The following UNC5D variants were observed in gnomAD, a reference collection of about 807,000 sequenced individuals.
The protein encoded by UNC5D is unc-5 netrin receptor D.
In UNC5D, 39 loss-of-function variants were observed where a neutral mutation model predicts 105.4. That is an observed-to-expected ratio of 0.37 (90% CI 0.29 to 0.48). UNC5D has a LOEUF of 0.48. Among genes scored for constraint, UNC5D ranks in the 20% least tolerant of loss-of-function variants. The pLI is 0.98. For missense variants in UNC5D, 991 were observed against 1,202.4 expected, an observed-to-expected ratio of 0.82 and a Z score of 2.60; for synonymous variants, 452 against 450.4, an observed-to-expected ratio of 1.00 and a Z score of -0.04.
At chr8:35,742,312 C>T (rs1235011264) in intron 11 of UNC5D, among the ~76,000 whole-genome samples, 2 of 151,364 alleles carry the variant, frequency 1.3e-5, no homozygotes, top group Non-Finnish European at 2.9e-5. Context: ...TTTTTATCCA[C>T]AGCAATTTTA....
intron 1 of UNC5D, among the ~76,000 whole-genome samples, chr8:35,523,219 A>G (rs1238532720): frequency 1.6e-4 from 25 of 152,010 alleles, no homozygotes; most frequent in Admixed American, 1.6e-3. Context: ...GGTGGCTAGA[A>G]CTACAGGCAC....
At chr8:35,646,796 G>A (rs548224250) in intron 4 of UNC5D, among the ~76,000 whole-genome samples, 3 of 152,004 alleles carry the variant, frequency 2.0e-5, no homozygotes, top group Non-Finnish European at 2.9e-5. Context: ...AAAAAGAGCA[G>A]TATTAATTTT....
intron 1 of UNC5D, among the ~76,000 whole-genome samples, chr8:35,356,903 G>T (rs1801587595): frequency 6.6e-6 from 1 of 152,050 alleles, no homozygotes; most frequent in African/African-American, 2.4e-5. Flanking sequence ...GTCCTGGGTG[G>T]GACAGACTGG....
At chr8:35,491,011 T>C (rs562331047) in intron 1 of UNC5D, among the ~76,000 whole-genome samples, 1 of 152,136 alleles carries the variant, frequency 6.6e-6, no homozygotes, top group Non-Finnish European at 1.5e-5. Flanking sequence ...AATAATTGAA[T>C]TGGTAAAAAT....
intron 7 of UNC5D, among the ~76,000 whole-genome samples, chr8:35,687,359 G>A (rs545518659): frequency 7.3e-5 from 11 of 151,282 alleles, no homozygotes; most frequent in South Asian, 2.1e-4. Context: ...GGAGAATGCC[G>A]TGAACCCAGG....
At chr8:35,387,249 G>A (rs1303582113) in intron 1 of UNC5D, among the ~76,000 whole-genome samples, 1 of 151,738 alleles carries the variant, frequency 6.6e-6, no homozygotes, top group African/African-American at 2.4e-5. Flanking sequence ...TGTAGTCCCA[G>A]CTCCTCGGGA....
At chr8:35,714,353 G>A (rs1828130096) in intron 8 of UNC5D, among the ~76,000 whole-genome samples, 1 of 152,228 alleles carries the variant, frequency 6.6e-6, no homozygotes, top group Non-Finnish European at 1.5e-5. Context: ...ACAAGATGCA[G>A]GTGGTTTTGC....
intron 1 of UNC5D, among the ~76,000 whole-genome samples, chr8:35,462,921 A>C (rs1262379957): frequency 6.6e-6 from 1 of 152,160 alleles, no homozygotes; most frequent in Admixed American, 6.5e-5. Context: ...AGGTATAACC[A>C]TCTCGGGCAC....
chr8:35,296,288 G>T (rs971565346), intron 1 of UNC5D, among the ~76,000 whole-genome samples: 1 of 152,082 alleles, frequency 6.6e-6, no homozygotes, highest in South Asian at 2.1e-4. Context: ...AGTGTACAAG[G>T]TTCCCTTTTC....
chr8:35,560,936 T>A (rs1472638139), intron 2 of UNC5D, among the ~76,000 whole-genome samples: 1 of 152,218 alleles, frequency 6.6e-6, no homozygotes, highest in Non-Finnish European at 1.5e-5. Flanking sequence ...CAAAACCTAC[T>A]GACAAGAGTG....
At chr8:35,760,719 C>T (rs746310076) in intron 14 of UNC5D, among the ~76,000 whole-genome samples, 2 of 152,138 alleles carry the variant, frequency 1.3e-5, no homozygotes, top group African/African-American at 2.4e-5. Context: ...TTGTTTTACC[C>T]ATCAGCATAA....
At chr8:35,645,612 G>T (rs1456586240) in intron 4 of UNC5D, among the ~76,000 whole-genome samples, 1 of 151,788 alleles carries the variant, frequency 6.6e-6, no homozygotes, top group African/African-American at 2.4e-5. Context: ...TAATCTAAGT[G>T]AAGTGTTTTT....
At chr8:35,778,692 G>A (rs139391549) in intron 16 of UNC5D, among the ~76,000 whole-genome samples, 1 of 152,284 alleles carries the variant, frequency 6.6e-6, no homozygotes, top group East Asian at 1.9e-4. Flanking sequence ...TTAAAAGCTA[G>A]TAAAACTACT....
intron 7 of UNC5D, among the ~76,000 whole-genome samples, chr8:35,688,207 G>C (rs1826156232): frequency 6.6e-6 from 1 of 151,008 alleles, no homozygotes; most frequent in South Asian, 2.1e-4. Context: ...TCTAGAACTG[G>C]TCGCCTTCTC....
intron 4 of UNC5D, among the ~76,000 whole-genome samples, chr8:35,655,520 G>A (rs189734871): frequency 5.6e-4 from 86 of 152,274 alleles, no homozygotes; most frequent in South Asian, 2.7e-3. Context: ...ATAAGGAAAA[G>A]CAATCTGGTC....
chr8:35,737,618 A>C (rs1214926120), intron 11 of UNC5D, among the ~76,000 whole-genome samples: 1 of 152,178 alleles, frequency 6.6e-6, no homozygotes, highest in Non-Finnish European at 1.5e-5. Flanking sequence ...ATCTCATTTA[A>C]CTAGTAAGAT....
At chr8:35,352,342 T>G (rs1812296769) in intron 1 of UNC5D, among the ~76,000 whole-genome samples, 1 of 152,050 alleles carries the variant, frequency 6.6e-6, no homozygotes, top group African/African-American at 2.4e-5. Context: ...AATCCAATGA[T>G]TTTTTTGTTG....
At position 35,596,634 on chromosome 8, in the gene UNC5D, T is replaced by C. The variant is rs564497114; in HGVS notation, c.570+977T>C. On this transcript the variant is annotated intron_variant, in intron 4 of 16. Transcript: ENST00000404895. ...GAGACATGAGACATCAATCAACATA[T>C]GTAAGACAAACATTGGTTCAGGTCC... Among the ~76,000 whole-genome samples the C allele has an allele frequency of 1.4e-4, 22 of 152,214 alleles. 1 individual carries two copies. The highest frequency in any genetic ancestry group is 3.4e-3 in the Middle Eastern group (1 of 294).
At chr8:35,251,495 C>T (rs1803692212) in intron 1 of UNC5D, among the ~76,000 whole-genome samples, 1 of 152,156 alleles carries the variant, frequency 6.6e-6, no homozygotes, top group Non-Finnish European at 1.5e-5. Flanking sequence ...ACATCCTAAA[C>T]CCTTTGCATG....
Sources: gnomAD v4.1 joint callset for allele counts (sites outside exome capture counted in the v4.1 genomes callset) on GRCh38, gnomAD v4.1.1 for gene constraint, MANE v1.5 for transcripts, NCBI Gene and HGNC (gene_info 2026-07-23, HGNC 2026-07-21) for gene names.